Variants in PAN2 observed in about 807,000 individuals in gnomAD.
PAN2 encodes PAN2-PAN3 deadenylation complex catalytic subunit PAN2.
PAN2 carries 68 observed loss-of-function variants against 133.3 expected under a neutral mutation model. The ratio of observed to expected loss-of-function variants is 0.51; its 90% CI spans 0.42 to 0.62. PAN2 has a LOEUF of 0.62. Ranked by LOEUF, PAN2 falls within the 20% of genes least tolerant of loss-of-function variation. The probability of loss-of-function intolerance (pLI) is 0.00; values close to 1 mark genes in which losing one functional copy is unlikely to be tolerated. For missense variants in PAN2, 1,042 were observed against 1,500.5 expected (o/e 0.69, Z 5.05); for synonymous variants, 462 against 544.6 (o/e 0.85, Z 2.11).
At position 56,318,248 on chromosome 12, in the gene PAN2, G is replaced by A. The variant is rs1283548230; in HGVS notation, c.3551C>T (p.Thr1184Ile). Residue 1184 changes from threonine to isoleucine, a missense_variant, in exon 25 of 26, where the codon ACA (threonine) becomes ATA (isoleucine). Transcript: ENST00000440411. ...ATCCCAGGTCTTACTCTTGGGACTT[G>A]TTTGGCCCTCAGGCTCAGGCACCTT... ...DWKVPEPEGQ[T>I]SPKNAAVFSS... The A allele has an allele frequency of 6.2e-7, 1 of 1,613,848 alleles. No individual in the cohort carries two copies. Among genetic ancestry groups the A allele is most frequent in the Admixed American group, 1.7e-5 (1 of 60,010 alleles).
In PAN2 at chr12:56,322,008, A is replaced by G. The variant is rs77323910; in HGVS notation, c.2788+70T>C. 907 of 754,674 alleles carry G rather than the reference A, an allele frequency of 1.2e-3. 4 individuals carry two copies. The highest frequency in any genetic ancestry group is 1.7e-3 in the Non-Finnish European group (710 of 429,328). The allele number at this position is 754,674 out of a possible 1,614,324, so 46.7% of individuals were successfully genotyped here. A position where few individuals can be genotyped will look rare whatever the true frequency, so the allele number is the denominator to read the frequency against. Reference sequence around the variant, plus strand: ...TACCAATCCTAAGTACTTGCAAGCAATGTCCCAGATCTCACCCTGAAGCCC... The same window carrying G: ...TACCAATCCTAAGTACTTGCAAGCAGTGTCCCAGATCTCACCCTGAAGCCC... On this transcript the variant is annotated intron_variant, in intron 20 of 25. Coordinates refer to ENST00000440411, the MANE Select transcript of PAN2 (RefSeq NM_014871.6).
At position 56,324,322 on chromosome 12, in the gene PAN2, G is replaced by C. The variant is rs768300457; in HGVS notation, c.1900C>G (p.Pro634Ala). 3 of 1,613,826 alleles carry C rather than the reference G, an allele frequency of 1.9e-6. No homozygotes were observed. Among genetic ancestry groups the C allele is most frequent in the South Asian group, 1.1e-5 (1 of 91,084 alleles). Residue 634 changes from proline (P) to alanine (A), a missense_variant, in exon 12 of 26, where the codon CCA becomes GCA. Transcript: ENST00000440411. Reference sequence around the variant, plus strand: ...CCTCCAGCACCTCGATAAGCCTGTGGTATTTCCAGCTCCTGCATATCTTGA... The same window carrying C: ...CCTCCAGCACCTCGATAAGCCTGTGCTATTTCCAGCTCCTGCATATCTTGA... ...LHQDMQELEI[P>A]QAYRGAGGSS...
In PAN2 at chr12:56,332,823, C is replaced by T; in HGVS notation, c.272G>A (p.Gly91Glu). ...GGGTACAGTTCTTACCCCGTGGCTC[C>T]CCACCCACAGCATCTCCTCGTGCAA... Reference protein sequence around the residue: ...FDLHEEMLWVGSHGGHATSFF... With the variant: ...FDLHEEMLWVESHGGHATSFF... The change falls in exon 2 of 26, where the codon GGG becomes GAG. Residue 91 changes from glycine (G) to glutamate (E), a missense_variant. Transcript: ENST00000440411. 1 of 1,614,022 alleles carries T rather than the reference C, an allele frequency of 6.2e-7. No individual in the cohort carries two copies. Among genetic ancestry groups the T allele is most frequent in the Non-Finnish European group, 8.5e-7 (1 of 1,179,920 alleles).
At chr12:56,327,727 G>T in intron 5 of PAN2, 96 bp from the exon 6 acceptor site, 5 of 1,415,484 alleles carry the variant, frequency 3.5e-6, no homozygotes, top group Non-Finnish European at 4.9e-6. Flanking sequence ...AAGGAACTAG[G>T]GCTTTAGGAC....
rs759897738 is a variant in PAN2, at chr12:56,319,555, C to G, written c.3090+66G>C. On this transcript the variant is annotated intron_variant, in intron 22 of 25. Transcript: ENST00000440411. This position sits in a 1 kb window ranked among gnomAD's most constrained non-coding sequence, Gnocchi z 5.4. ...TGGAGTCTTCCCCTATCACTCTTCC[C>G]TGGGTTCTTGAGCACTGTAAGTAAG... is the stretch of plus-strand genomic sequence containing the variant. 10 of 1,589,640 alleles carry G rather than the reference C, an allele frequency of 6.3e-6. No individual in the cohort carries two copies. The highest frequency in any genetic ancestry group is 8.6e-6 in the Non-Finnish European group (10 of 1,167,380).
intron 13 of PAN2, 23 bp from the exon 14 acceptor site, chr12:56,323,936 A>T (rs1414065011): frequency 6.2e-7 from 1 of 1,606,282 alleles, no homozygotes; most frequent in South Asian, 1.1e-5. Flanking sequence ...TAGATGCTAT[A>T]CTCCTGGTTC....
At chr12:56,321,573 G>A (rs1300020385) in intron 20 of PAN2, among the ~76,000 whole-genome samples, 1 of 151,040 alleles carries the variant, frequency 6.6e-6, no homozygotes, top group African/African-American at 2.4e-5. Flanking sequence ...TTTTTAGGCT[G>A]GGTGTAGTTG....
At chr12:56,330,364 T>TC (rs1449054482) in intron 2 of PAN2, among the ~76,000 whole-genome samples, 1 of 104,892 alleles carries the variant, frequency 9.5e-6, no homozygotes, top group Non-Finnish European at 2.0e-5. Flanking sequence ...TTTTTTTTTT[T>TC]TTTTTTTTTT....
Position 56,318,439 on chromosome 12 carries a change from G to C in PAN2, c.3365-5C>G. On this transcript the variant is annotated splice_polypyrimidine_tract_variant and splice_region_variant and intron_variant, in intron 24 of 25. Coordinates refer to ENST00000440411, the MANE Select transcript of PAN2 (RefSeq NM_014871.6). ...TTTCCCCTTGAATCTTCAGGTCTGG[G>C]GTAAGTAAAGGTGGAATAGTTTGGG... is the stretch of plus-strand genomic sequence containing the variant. 1 of 1,611,260 alleles carries C rather than the reference G, an allele frequency of 6.2e-7. No homozygotes were observed. Among genetic ancestry groups the C allele is most frequent in the Non-Finnish European group, 8.5e-7 (1 of 1,177,434 alleles).
chr12:56,318,138 C>A (rs1874115366), intron 25 of PAN2, 99 bp downstream of exon 25: 10 of 984,054 alleles, frequency 1.0e-5, no homozygotes, highest in Middle Eastern at 3.0e-4. Context: ...AATCACGCTA[C>A]TGCACTTCAG....
intron 24 of PAN2, 185 bp from the exon 25 acceptor site, chr12:56,318,619 C>G: frequency 1.7e-6 from 1 of 586,538 alleles, no homozygotes; most frequent in Non-Finnish European, 3.0e-6. Flanking sequence ...ACTGTCACCA[C>G]TAACTGAGGG....
In PAN2 at chr12:56,324,170, C is replaced by T. The variant is rs778558518; in HGVS notation, c.1944G>A (p.Ser648=). 3.7e-6 allele frequency: 6 copies of T among 1,613,800 alleles called. No homozygotes were observed. Among genetic ancestry groups the T allele is most frequent in the African/African-American group, 1.3e-5 (1 of 74,900 alleles). The stretch of plus-strand genomic sequence containing the variant: ...AGAGCTGCCCAATAACAGAGTCCCC[C>T]GATGAGCAAAAGCTGCTAAGAGTGG... ...RGAGGSSFCS[S]GDSVIGQLFS... Residue 648 remains serine, a synonymous_variant, in exon 13 of 26, where the codon TCG becomes TCA. Coordinates refer to ENST00000440411, the MANE Select transcript of PAN2 (RefSeq NM_014871.6).
chr12:56,333,371 G>A (rs1414446291), intron 1 of PAN2, 163 bp from the exon 2 acceptor site: 1 of 490,478 alleles, frequency 2.0e-6, no homozygotes, highest in East Asian at 3.6e-5. Context: ...GGGGGTGGAG[G>A]TGGTAGAACT....
chr12:56,322,082 C>G lies in PAN2; in HGVS notation c.2784G>C (p.Leu928=), dbSNP rs780534051. 6.3e-7 allele frequency: 1 copy of G among 1,582,130 alleles called. No individual in the cohort carries two copies. The highest frequency in any genetic ancestry group is 1.1e-5 in the South Asian group (1 of 90,288). ...GGTCTACTATGTAGCACTTACTGTT[C>G]AGGTTGTATCTGGAATTGAGATTCC... is the stretch of plus-strand genomic sequence containing the variant. ...VKRNLNSRYN[L]NIKNPIEASV... is the part of the protein sequence containing the mutation. Residue 928 remains leucine, a synonymous_variant, in exon 20 of 26, where the codon CTG becomes CTC. Coordinates refer to ENST00000440411, the MANE Select transcript of PAN2 (RefSeq NM_014871.6).
In PAN2 at chr12:56,323,291, A is replaced by G. The variant is rs762932719; in HGVS notation, c.2345+20T>C. 7 of 1,613,930 alleles carry G rather than the reference A, an allele frequency of 4.3e-6. No individual in the cohort carries two copies. The East Asian group carries it at 1.1e-4, about 26-fold the overall frequency. ...CACTGGGCAATTCAATCCTTTGACA[A>G]CTCCCAAGACAGCACCTACCAATCA... On this transcript the variant is annotated intron_variant, in intron 16 of 25. Transcript: ENST00000440411.
At position 56,326,923 on chromosome 12, in the gene PAN2, T is replaced by C. The variant is rs753626038; in HGVS notation, c.956A>G (p.Asn319Ser). The change falls in exon 7 of 26, where the codon AAC becomes AGC. Residue 319 changes from asparagine (N) to serine (S), a missense_variant. Around this residue, in one of 3 missense-constraint regions of PAN2, gnomAD observed 908 missense variants for 1,223.5 expected, o/e 0.74. Transcript: ENST00000440411. ...ATTCACATGAAAGATATCGGCTGGG[T>C]TGGCCAGGCCTGTGGGTTCACAGAA... The part of the protein sequence containing the change: ...CQFCEPTGLA[N>S]PADIFHVNPV... The C allele has an allele frequency of 2.5e-6, 4 of 1,613,466 alleles. No homozygotes were observed. Among genetic ancestry groups the C allele is most frequent in the Admixed American group, 1.7e-5 (1 of 60,014 alleles).
chr12:56,321,265 G>A (rs1205777426), intron 20 of PAN2, among the ~76,000 whole-genome samples: 3 of 142,766 alleles, frequency 2.1e-5, no homozygotes, highest in Middle Eastern at 3.7e-3. Context: ...TTTCACTCTC[G>A]TCACCCAGGC....
intron 19 of PAN2, 103 bp from the exon 20 acceptor site, chr12:56,322,271 TC>T: frequency 9.5e-7 from 1 of 1,055,526 alleles, no homozygotes; most frequent in Non-Finnish European, 1.4e-6. Context: ...TTGTTTTTTT[TC>T]AGGTGCTATT....
rs1339512233 is a variant in PAN2, at chr12:56,317,094, T to C, written c.*515A>G. ...AATAAATGAAGCCGGCAGCCAAGCT[T>C]TGTCCAGGATCCAAAGGCCCTTTTG... On this transcript the variant is annotated 3_prime_UTR_variant, in exon 26 of 26. Coordinates refer to ENST00000440411, the MANE Select transcript of PAN2 (RefSeq NM_014871.6). The C allele has an allele frequency of 6.5e-6, 1 of 152,978 alleles. No homozygotes were observed. The highest frequency in any genetic ancestry group is 6.5e-5 in the Admixed American group (1 of 15,294). 9.5% of individuals were successfully genotyped at this position (152,978 alleles called of 1,614,324 possible). A position where few individuals can be genotyped will look rare whatever the true frequency, so the allele number is the denominator to read the frequency against.
Sources: gnomAD v4.1 joint callset for allele counts (sites outside exome capture counted in the v4.1 genomes callset) on GRCh38, gnomAD v4.1.1 for gene constraint, gnomAD v4.1.1 regional missense constraint, Gnocchi (gnomAD v3.1) non-coding constraint, MANE v1.5 for transcripts, NCBI Gene and HGNC (gene_info 2026-07-23, HGNC 2026-07-21) for gene names.